The following FLT1 variants were observed in gnomAD, a reference collection of about 807,000 sequenced individuals.
FLT1 encodes the protein vascular endothelial growth factor receptor 1.
A neutral mutation model predicts 156.3 loss-of-function variants in FLT1; 49 were observed. The ratio of observed to expected loss-of-function variants is 0.31; its 90% CI spans 0.25 to 0.40. The LOEUF is 0.40. Among genes scored for constraint, FLT1 ranks in the 10% least tolerant of loss-of-function variants. FLT1 has a pLI of 1.00. For synonymous variants in FLT1, 594 were observed against 583.8 expected, an observed-to-expected ratio of 1.02 and a Z score of -0.25; for missense variants, 1,322 against 1,637.2, an observed-to-expected ratio of 0.81 and a Z score of 3.32.
chr13:28,321,861 A>G (rs1168012931), intron 22 of FLT1, among the ~76,000 whole-genome samples: 1 of 152,234 alleles, frequency 6.6e-6, no homozygotes, highest in Non-Finnish European at 1.5e-5. Context: ...AACTTTCCCC[A>G]CAGTCTTTTA....
At chr13:28,483,174 TA>T (rs1333854407) in intron 1 of FLT1, among the ~76,000 whole-genome samples, 1 of 152,214 alleles carries the variant, frequency 6.6e-6, no homozygotes, top group East Asian at 1.9e-4. Flanking sequence ...AAAAGAGAGT[TA>T]AACAATGTTT....
At chr13:28,463,213 T>C (rs958618192) in intron 3 of FLT1, among the ~76,000 whole-genome samples, 6 of 152,248 alleles carry the variant, frequency 3.9e-5, no homozygotes, top group Admixed American at 2.0e-4. Flanking sequence ...CTTAAATTGA[T>C]TTAATACATT....
Position 28,322,497 on chromosome 13 carries a change from T to A in FLT1, c.2954-138A>T. 1 of 745,360 alleles carries A rather than the reference T, an allele frequency of 1.3e-6. No individual in the cohort carries two copies. The highest frequency in any genetic ancestry group is 2.4e-6 in the Non-Finnish European group (1 of 422,634). 46.2% of individuals were successfully genotyped at this position (745,360 alleles called of 1,614,324 possible). On this transcript the variant is annotated intron_variant, in intron 21 of 29. Coordinates refer to ENST00000282397, the MANE Select transcript of FLT1 (RefSeq NM_002019.4). This position sits in a 1 kb window ranked among gnomAD's most constrained non-coding sequence, Gnocchi z 4.3. Reference sequence around the variant, plus strand: ...GTTCATTTTTAAGAGTATTTGAGTTTCAACATGAACACCAGAGATTTTTCC... The same window carrying A: ...GTTCATTTTTAAGAGTATTTGAGTTACAACATGAACACCAGAGATTTTTCC...
At chr13:28,440,090 C>T (rs959757579) in intron 3 of FLT1, among the ~76,000 whole-genome samples, 1 of 152,118 alleles carries the variant, frequency 6.6e-6, no homozygotes, top group South Asian at 2.1e-4. Context: ...TTGCTAGCCC[C>T]CTTCCTTCCT....
chr13:28,386,307 G>T (rs1257381750), intron 13 of FLT1: 17 of 1,032,248 alleles, frequency 1.6e-5, no homozygotes, highest in African/African-American at 1.7e-5. Flanking sequence ...GAAATCCCAG[G>T]TTAAAATGTA....
chr13:28,352,337 C>T (rs1010067148), intron 15 of FLT1, among the ~76,000 whole-genome samples: 4 of 152,166 alleles, frequency 2.6e-5, no homozygotes, highest in African/African-American at 9.7e-5. Flanking sequence ...TAAAATAGTG[C>T]ACTGCATGTT....
intron 14 of FLT1, among the ~76,000 whole-genome samples, chr13:28,378,934 C>T (rs1185147401): frequency 6.6e-6 from 1 of 152,106 alleles, no homozygotes; most frequent in Non-Finnish European, 1.5e-5. Flanking sequence ...ACACATGTAA[C>T]ACCAGAGAAC....
intron 14 of FLT1, among the ~76,000 whole-genome samples, chr13:28,364,134 G>T (rs1026266134): frequency 9.3e-4 from 141 of 152,154 alleles, no homozygotes; most frequent in African/African-American, 3.4e-3. Context: ...CTAATTCTTT[G>T]TTGGCTTAAT....
intron 29 of FLT1, among the ~76,000 whole-genome samples, chr13:28,306,105 C>G (rs1380491575): frequency 6.6e-6 from 1 of 152,142 alleles, no homozygotes; most frequent in East Asian, 1.9e-4. Flanking sequence ...CAGTGGCATT[C>G]GGTGGTGCAT....
intron 15 of FLT1, among the ~76,000 whole-genome samples, chr13:28,352,023 G>A (rs904172691): frequency 2.0e-5 from 3 of 152,212 alleles, no homozygotes; most frequent in Admixed American, 1.3e-4. Flanking sequence ...GCACCAGGAA[G>A]GTAAGGAACT....
At chr13:28,401,402 A>G (rs1875426677) in intron 11 of FLT1, among the ~76,000 whole-genome samples, 1 of 152,116 alleles carries the variant, frequency 6.6e-6, no homozygotes, top group Non-Finnish European at 1.5e-5. Flanking sequence ...TGCTCATAAA[A>G]CTATCAGCAA....
chr13:28,474,062 T>A (rs140877346), intron 1 of FLT1, among the ~76,000 whole-genome samples: 47 of 152,224 alleles, frequency 3.1e-4, no homozygotes, highest in African/African-American at 9.9e-4. Flanking sequence ...GAGAGATGCC[T>A]CAGGAGAAAC....
chr13:28,427,728 A>C, intron 9 of FLT1, 24 bp downstream of exon 9: 1 of 1,608,370 alleles, frequency 6.2e-7, no homozygotes, highest in Non-Finnish European at 8.5e-7. Flanking sequence ...CAGAACCAGA[A>C]GAAAGTATGA....
intron 10 of FLT1, among the ~76,000 whole-genome samples, chr13:28,413,125 T>C (rs1007797337): frequency 4.6e-5 from 7 of 151,244 alleles, no homozygotes; most frequent in African/African-American, 1.7e-4. Context: ...TGGAGAAGAG[T>C]TTCGGGGGTT....
rs1464984444 is a variant in FLT1, at chr13:28,326,113, ATGT to A, written c.2796+1346_2796+1348del. On this transcript the variant is annotated intron_variant, in intron 20 of 29. Transcript: ENST00000282397. The stretch of plus-strand genomic sequence containing the variant: ...ATTTTTCTATCTTAGTAGGTCAATG[ATGT>A]TGATGATGATGATGACAGTGGTGGT... Among the ~76,000 whole-genome samples, 3 of 152,306 alleles carry A rather than the reference ATGT, an allele frequency of 2.0e-5. No homozygotes were observed. In the East Asian group the frequency reaches 5.8e-4, roughly 29 times the overall value.
At chr13:28,404,642 T>C (rs1412382075) in intron 11 of FLT1, among the ~76,000 whole-genome samples, 1 of 152,196 alleles carries the variant, frequency 6.6e-6, no homozygotes, top group African/African-American at 2.4e-5. Flanking sequence ...GTGGAATCTG[T>C]ATTAACAGTC....
chr13:28,477,634 T>G (rs1007842019), intron 1 of FLT1, among the ~76,000 whole-genome samples: 4 of 152,154 alleles, frequency 2.6e-5, no homozygotes, highest in Admixed American at 6.5e-5. Context: ...ACCCTAAAAA[T>G]GCATACAGGA....
Position 28,467,506 on chromosome 13 carries a change from A to C in FLT1, c.161+15T>G. ...ATGGCAACTAGATTATTCCCAAACCAACACAGCCACTTACCTGCATTGGAG... is the reference window on the plus strand; with the variant it reads ...ATGGCAACTAGATTATTCCCAAACCCACACAGCCACTTACCTGCATTGGAG... On this transcript the variant is annotated intron_variant, in intron 2 of 29. Transcript: ENST00000282397. 6.4e-7 allele frequency: 1 copy of C among 1,560,926 alleles called. No homozygotes were observed. Among genetic ancestry groups the C allele is most frequent in the African/African-American group, 1.4e-5 (1 of 73,902 alleles).
At chr13:28,317,470 T>C in intron 25 of FLT1, 28 bp downstream of exon 25, 1 of 1,409,058 alleles carries the variant, frequency 7.1e-7, no homozygotes. Flanking sequence ...AGCTGTCAGA[T>C]GGGGAGCAGA....
Sources: gnomAD v4.1 joint callset for allele counts (sites outside exome capture counted in the v4.1 genomes callset) on GRCh38, gnomAD v4.1.1 for gene constraint, Gnocchi (gnomAD v3.1) non-coding constraint, MANE v1.5 for transcripts, NCBI Gene and HGNC (gene_info 2026-07-23, HGNC 2026-07-21) for gene names.